ABL2: variants seen among roughly 807,000 people sequenced by gnomAD.
ABL2 encodes ABL proto-oncogene 2, non-receptor tyrosine kinase.
Under a neutral mutation model 107.7 loss-of-function variants are expected in ABL2, and 49 were observed. The observed-to-expected ratio is 0.45, with a 90% confidence interval of 0.36 to 0.58. The LOEUF (loss-of-function observed/expected upper bound fraction) is 0.58, where lower values mean the gene tolerates loss of function less well. Ranked by LOEUF, ABL2 falls within the 20% of genes least tolerant of loss-of-function variation. ABL2 has a pLI of 0.00. For synonymous variants in ABL2, 549 were observed against 548.6 expected (o/e 1.00, Z -0.01); for missense variants, 1,245 against 1,457.0 (o/e 0.85, Z 2.37).
At position 179,103,881 on chromosome 1, in the gene ABL2, CT is replaced by C. The variant is rs1653302806; in HGVS notation, c.*3836del. ...AATAGGCAAGTAATTTAACCATCTT[CT>C]GCTAGTTTCTTAATCTATAAACCAA... On this transcript the variant is annotated 3_prime_UTR_variant, in exon 12 of 12. Transcript: ENST00000502732. The C allele has an allele frequency of 1.3e-5, 3 of 231,578 alleles. No homozygotes were observed. Among genetic ancestry groups the C allele is most frequent in the African/African-American group, 6.6e-5 (3 of 45,270 alleles). 14.3% of individuals were successfully genotyped at this position (231,578 alleles called of 1,614,324 possible).
chr1:179,185,456 T>C (rs190695409), intron 1 of ABL2, among the ~76,000 whole-genome samples: 1 of 152,038 alleles, frequency 6.6e-6, no homozygotes, highest in Non-Finnish European at 1.5e-5. Context: ...TTAAAAAAAA[T>C]TTTTTTGTTT....
intron 1 of ABL2, among the ~76,000 whole-genome samples, chr1:179,214,511 T>A (rs1305026817): frequency 9.5e-6 from 1 of 105,066 alleles, no homozygotes; most frequent in African/African-American, 3.6e-5. Flanking sequence ...ACAACAGTTT[T>A]AAAATGACAT....
chr1:179,215,598 A>G (rs1047744318), intron 1 of ABL2, among the ~76,000 whole-genome samples: 11 of 151,914 alleles, frequency 7.2e-5, no homozygotes, highest in African/African-American at 2.4e-4. Flanking sequence ...GTGGTGGCAC[A>G]TGCCTGTAAT....
At chr1:179,205,367 C>A (rs137888095) in intron 1 of ABL2, among the ~76,000 whole-genome samples, 20 of 152,312 alleles carry the variant, frequency 1.3e-4, no homozygotes, top group Non-Finnish European at 2.6e-4. Flanking sequence ...CCCTCCCAGG[C>A]ACATAACAAA....
intron 1 of ABL2, among the ~76,000 whole-genome samples, chr1:179,225,348 A>G (rs1232555678): frequency 6.6e-6 from 1 of 152,226 alleles, no homozygotes; most frequent in African/African-American, 2.4e-5. Context: ...CCAAGAGTCT[A>G]ACAGACCTAA....
intron 1 of ABL2, among the ~76,000 whole-genome samples, chr1:179,198,617 A>G (rs1661465311): frequency 7.9e-6 from 1 of 126,786 alleles, no homozygotes; most frequent in African/African-American, 3.0e-5. Context: ...TGCTGGAACC[A>G]GGGGGGCAGA....
At chr1:179,131,023 C>T (rs1424122165) in intron 3 of ABL2, among the ~76,000 whole-genome samples, 1 of 151,792 alleles carries the variant, frequency 6.6e-6, no homozygotes, top group African/African-American at 2.4e-5. Context: ...TCACTGCAAC[C>T]TCTGCCTCCC....
At chr1:179,179,556 C>T (rs1660248478) in intron 1 of ABL2, among the ~76,000 whole-genome samples, 1 of 151,558 alleles carries the variant, frequency 6.6e-6, no homozygotes, top group Non-Finnish European at 1.5e-5. Context: ...CCTCAAGAAC[C>T]TCATGTACTA....
chr1:179,117,650 C>A, intron 7 of ABL2, 134 bp from the exon 8 acceptor site: 1 of 782,842 alleles, frequency 1.3e-6, no homozygotes, highest in Admixed American at 2.7e-5. Flanking sequence ...TTCTGATAAT[C>A]ACTAACACCT....
At chr1:179,146,478 A>T (rs554990049) in intron 1 of ABL2, among the ~76,000 whole-genome samples, 142 of 152,196 alleles carry the variant, frequency 9.3e-4, no homozygotes, top group African/African-American at 3.3e-3. Flanking sequence ...CAGGTTTAAA[A>T]TTTTTTCAGA....
At chr1:179,229,187 G>GACACCAACC in intron 1 of ABL2, 54 bp downstream of exon 1, 1 of 120,774 alleles carries the variant, frequency 8.3e-6, no homozygotes, top group East Asian at 2.1e-4. Context: ...ACCCCGCCCC[G>GACACCAACC]ACCCCACCCC....
intron 1 of ABL2, among the ~76,000 whole-genome samples, chr1:179,137,018 C>A (rs898266360): frequency 6.6e-6 from 1 of 151,332 alleles, no homozygotes; most frequent in Admixed American, 6.6e-5. Flanking sequence ...GTTTCATATT[C>A]CCTTCTCTCA....
chr1:179,217,855 C>T (rs530376741), intron 1 of ABL2, among the ~76,000 whole-genome samples: 2 of 152,196 alleles, frequency 1.3e-5, no homozygotes, highest in Admixed American at 6.5e-5. Flanking sequence ...GTAAAAAATA[C>T]CTAAAAATCT....
At chr1:179,129,247 T>G (rs1656046521) in intron 3 of ABL2, among the ~76,000 whole-genome samples, 3 of 152,192 alleles carry the variant, frequency 2.0e-5, no homozygotes, top group Admixed American at 2.0e-4. Flanking sequence ...CAATGTTTCC[T>G]TGATGACTGG....
intron 1 of ABL2, among the ~76,000 whole-genome samples, chr1:179,135,948 G>C (rs1423624797): frequency 7.6e-6 from 1 of 131,398 alleles, no homozygotes; most frequent in African/African-American, 2.6e-5. Context: ...CCCCGTCCAG[G>C]AGGGAGGTGG....
chr1:179,169,421 A>G (rs2816191), intron 1 of ABL2, among the ~76,000 whole-genome samples: 72,773 of 151,522 alleles, frequency 0.48, 17,624 homozygotes, highest in Admixed American at 0.54. Context: ...GGTGGCGGGC[A>G]CCTGTAGTCC....
At position 179,124,649 on chromosome 1, in the gene ABL2, A is replaced by C. The variant is rs145084054; in HGVS notation, c.687+1728T>G. 1.2e-3 allele frequency among the ~76,000 whole-genome samples: 188 copies of C among 151,676 alleles called. 1 individual carries two copies. The highest frequency in any genetic ancestry group is 4.4e-3 in the African/African-American group (184 of 41,386). On this transcript the variant is annotated intron_variant, in intron 4 of 11. Coordinates refer to ENST00000502732, the MANE Select transcript of ABL2 (RefSeq NM_007314.4). ...ATGCCAGGCCAATTTTTGTATTTGT[A>C]GTAGAGACAGGGTTTCACCATGTTT...
chr1:179,161,170 A>C (rs546869151), intron 1 of ABL2, among the ~76,000 whole-genome samples: 1 of 152,160 alleles, frequency 6.6e-6, no homozygotes, highest in Non-Finnish European at 1.5e-5. Context: ...AAAAGACTTG[A>C]TAAGCTACAT....
intron 3 of ABL2, among the ~76,000 whole-genome samples, chr1:179,128,435 T>C (rs1036967316): frequency 6.6e-6 from 1 of 152,066 alleles, no homozygotes; most frequent in Non-Finnish European, 1.5e-5. Context: ...ATAAAGAATA[T>C]TAGTACTTTG....
Sources: gnomAD v4.1 joint callset for allele counts (sites outside exome capture counted in the v4.1 genomes callset) on GRCh38, gnomAD v4.1.1 for gene constraint, MANE v1.5 for transcripts, NCBI Gene and HGNC (gene_info 2026-07-23, HGNC 2026-07-21) for gene names.